Variants in TCERG1L observed in about 807,000 individuals in gnomAD.
TCERG1L encodes the protein transcription elongation regulator 1-like protein.
TCERG1L carries 37 observed loss-of-function variants against 56.3 expected under a neutral mutation model. That is an observed-to-expected ratio of 0.66 (90% CI 0.51 to 0.87). TCERG1L has a LOEUF of 0.87. Among genes scored for constraint, TCERG1L ranks in the 40% least tolerant of loss-of-function variants. The probability of loss-of-function intolerance (pLI) is 0.00; values close to 1 mark genes in which losing one functional copy is unlikely to be tolerated. For missense variants in TCERG1L, 799 were observed against 774.2 expected, an observed-to-expected ratio of 1.03 and a Z score of -0.38; for synonymous variants, 324 against 326.3, an observed-to-expected ratio of 0.99 and a Z score of 0.08.
chr10:131,145,579 T>C (rs1336097585), intron 7 of TCERG1L, among the ~76,000 whole-genome samples: 1 of 152,250 alleles, frequency 6.6e-6, no homozygotes, highest in Non-Finnish European at 1.5e-5. Flanking sequence ...GATAAAACTT[T>C]TATAATACTG....
chr10:131,179,692 A>G (rs965793798), intron 4 of TCERG1L, among the ~76,000 whole-genome samples: 1 of 152,138 alleles, frequency 6.6e-6, no homozygotes, highest in Admixed American at 6.5e-5. Flanking sequence ...GTCAATGAAA[A>G]CATTGCTCTC....
At chr10:131,233,481 C>T (rs1845875966) in intron 4 of TCERG1L, among the ~76,000 whole-genome samples, 1 of 150,908 alleles carries the variant, frequency 6.6e-6, no homozygotes, top group Non-Finnish European at 1.5e-5. Flanking sequence ...CACAGACACG[C>T]ACACACGCTC....
chr10:131,117,027 T>C (rs1845467091), intron 8 of TCERG1L, 93 bp from the exon 9 acceptor site: 2 of 1,444,026 alleles, frequency 1.4e-6, no homozygotes, highest in African/African-American at 2.8e-5. Context: ...AGGTAACTCT[T>C]TCAGAAGCAC....
chr10:131,157,292 C>G (rs1223010157), intron 6 of TCERG1L, among the ~76,000 whole-genome samples: 1 of 152,136 alleles, frequency 6.6e-6, no homozygotes, highest in East Asian at 1.9e-4. Context: ...CTGTAGCAAT[C>G]TGAATTTGTT....
chr10:131,098,700 G>A (rs749477769), intron 10 of TCERG1L, among the ~76,000 whole-genome samples: 37 of 152,194 alleles, frequency 2.4e-4, no homozygotes, highest in African/African-American at 6.0e-4. Context: ...GGAGAAACCC[G>A]GAGAATGACT....
intron 6 of TCERG1L, among the ~76,000 whole-genome samples, chr10:131,147,104 T>A (rs919582579): frequency 3.3e-5 from 5 of 152,228 alleles, no homozygotes; most frequent in Admixed American, 3.3e-4. Context: ...CATCAAGCAA[T>A]GCGCACGGCC....
At chr10:131,217,607 A>G (rs1845682998) in intron 4 of TCERG1L, among the ~76,000 whole-genome samples, 2 of 151,752 alleles carry the variant, frequency 1.3e-5, no homozygotes, top group Non-Finnish European at 2.9e-5. Flanking sequence ...CTGTGTGCCC[A>G]GAAACCAGGA....
At chr10:131,110,231 C>T (rs544481042) in intron 9 of TCERG1L, among the ~76,000 whole-genome samples, 9 of 152,328 alleles carry the variant, frequency 5.9e-5, no homozygotes, top group South Asian at 2.1e-4. Context: ...ATGCAGACCA[C>T]GCGGGCAAAG....
At chr10:131,202,451 G>C (rs181735322) in intron 4 of TCERG1L, among the ~76,000 whole-genome samples, 16 of 152,208 alleles carry the variant, frequency 1.1e-4, no homozygotes, top group South Asian at 4.2e-4. Context: ...GCGTGGTGGC[G>C]AGTGCCTGTA....
At chr10:131,154,869 A>G (rs10829933) in intron 6 of TCERG1L, among the ~76,000 whole-genome samples, 41,910 of 152,212 alleles carry the variant, frequency 0.28, 6,066 homozygotes, top group South Asian at 0.44. Flanking sequence ...AGCCTGGGCC[A>G]GGCACCTGCC....
chr10:131,096,628 C>G (rs139735197), intron 11 of TCERG1L, among the ~76,000 whole-genome samples: 3,259 of 152,240 alleles, frequency 0.021, 121 homozygotes, highest in African/African-American at 0.072. Context: ...AGGCCAGGCG[C>G]GGTGGCTCAT....
rs187775723 is a variant in TCERG1L, at chr10:131,283,169, A to G, written c.671-22725T>C. Among the ~76,000 whole-genome samples the G allele has an allele frequency of 2.0e-5, 3 of 152,368 alleles. No individual in the cohort carries two copies. The East Asian group carries it at 5.8e-4, about 29-fold the overall frequency. On this transcript the variant is annotated intron_variant, in intron 3 of 11. Coordinates refer to ENST00000368642, the MANE Select transcript of TCERG1L (RefSeq NM_174937.4). ...AGGTTCTCTGAGAGGCTCTCCAGCT[A>G]CAGTGAGGAACGGCCTTAGACGGGA...
intron 7 of TCERG1L, 61 bp downstream of exon 7, chr10:131,146,445 C>A: frequency 1.4e-6 from 2 of 1,428,136 alleles, no homozygotes; most frequent in South Asian, 1.7e-5. Flanking sequence ...ACTTTACGTT[C>A]ATTAGAAATA....
chr10:131,193,308 T>C (rs1704003207), intron 4 of TCERG1L, among the ~76,000 whole-genome samples: 1 of 152,238 alleles, frequency 6.6e-6, no homozygotes, highest in African/African-American at 2.4e-5. Flanking sequence ...ATTCTCCAGG[T>C]TGTCTGTTCA....
At chr10:131,216,382 T>C (rs1361161857) in intron 4 of TCERG1L, among the ~76,000 whole-genome samples, 2 of 152,208 alleles carry the variant, frequency 1.3e-5, no homozygotes, top group Non-Finnish European at 2.9e-5. Context: ...ATCCTACAAC[T>C]GCCTGCCCTT....
At chr10:131,208,457 C>T (rs963117090) in intron 4 of TCERG1L, among the ~76,000 whole-genome samples, 12 of 152,230 alleles carry the variant, frequency 7.9e-5, no homozygotes, top group African/African-American at 2.4e-4. Context: ...CTGCCGAGAA[C>T]GCCCGGTTCA....
intron 7 of TCERG1L, 91 bp downstream of exon 7, chr10:131,146,415 C>T (rs1845794858): frequency 1.5e-6 from 2 of 1,373,014 alleles, no homozygotes; most frequent in Non-Finnish European, 1.9e-6. Context: ...TTCAACATAA[C>T]CAAGAAGAAA....
At chr10:131,163,233 G>T (rs199863432) in intron 5 of TCERG1L, 23 bp from the exon 6 acceptor site, 5 of 1,486,778 alleles carry the variant, frequency 3.4e-6, no homozygotes, top group Non-Finnish European at 1.8e-6. Context: ...AGAGACAGGG[G>T]AGTGGCTTTT....
intron 11 of TCERG1L, among the ~76,000 whole-genome samples, chr10:131,093,947 T>A (rs140692691): frequency 6.6e-6 from 1 of 152,266 alleles, no homozygotes; most frequent in Non-Finnish European, 1.5e-5. Context: ...ATGCCCTGAA[T>A]GTCCAGCCCA....
Sources: gnomAD v4.1 joint callset for allele counts (sites outside exome capture counted in the v4.1 genomes callset) on GRCh38, gnomAD v4.1.1 for gene constraint, MANE v1.5 for transcripts, NCBI Gene and HGNC (gene_info 2026-07-23, HGNC 2026-07-21) for gene names.